XPNPEP3: variants seen among roughly 807,000 people sequenced by gnomAD.
The protein encoded by XPNPEP3 is xaa-Pro aminopeptidase 3.
A neutral mutation model predicts 60.0 loss-of-function variants in XPNPEP3; 41 were observed. That is an observed-to-expected ratio of 0.68 (90% CI 0.53 to 0.89). XPNPEP3 has a LOEUF of 0.89. XPNPEP3 is among the 40% of genes least tolerant of loss of function. The pLI, the probability that XPNPEP3 is intolerant of heterozygous loss-of-function variation, is 0.00. For missense variants in XPNPEP3, 598 were observed against 638.9 expected, an observed-to-expected ratio of 0.94 and a Z score of 0.69; for synonymous variants, 212 against 223.2, an observed-to-expected ratio of 0.95 and a Z score of 0.45.
Position 40,868,276 on chromosome 22 carries a change from T to A in XPNPEP3, c.65-723T>A, listed in dbSNP as rs1387917108. Among the ~76,000 whole-genome samples the A allele has an allele frequency of 3.3e-5, 5 of 152,210 alleles. No individual in the cohort carries two copies. The East Asian group carries it at 9.6e-4, about 29-fold the overall frequency. The stretch of plus-strand genomic sequence containing the variant: ...CTTAACATATTCTCAATAAAAAATG[T>A]TGATTATCTTTTCCTGAGTTTTAGG... On this transcript the variant is annotated intron_variant, in intron 1 of 9. Coordinates refer to ENST00000357137, the MANE Select transcript of XPNPEP3 (RefSeq NM_022098.4).
At position 40,931,292 on chromosome 22, in the gene XPNPEP3, C is replaced by T. The variant is rs1222514477; in HGVS notation, c.*4857C>T. Reference sequence around the variant, plus strand: ...CATGGTTAGATCATTAACAATACCACCTAAATGAAGGAAACATATCTGGAT... The same window carrying T: ...CATGGTTAGATCATTAACAATACCATCTAAATGAAGGAAACATATCTGGAT... On this transcript the variant is annotated 3_prime_UTR_variant, in exon 10 of 10. Coordinates refer to ENST00000357137, the MANE Select transcript of XPNPEP3 (RefSeq NM_022098.4). The T allele has an allele frequency of 6.6e-6, 1 of 152,150 alleles. No homozygotes were observed. The highest frequency in any genetic ancestry group is 2.4e-5 in the African/African-American group (1 of 41,420). The allele number at this position is 152,150 out of a possible 1,614,324, so 9.4% of individuals were successfully genotyped here.
intron 3 of XPNPEP3, among the ~76,000 whole-genome samples, chr22:40,883,798 G>C (rs982025536): frequency 2.6e-5 from 4 of 152,012 alleles, no homozygotes; most frequent in African/African-American, 4.8e-5. Context: ...ACTATCTTTA[G>C]TAATTCTTAA....
intron 4 of XPNPEP3, among the ~76,000 whole-genome samples, chr22:40,901,235 A>G (rs1240537880): frequency 4.9e-5 from 1 of 20,360 alleles, no homozygotes; most frequent in African/African-American, 2.2e-4. Flanking sequence ...TATTTAAAGA[A>G]CTTTTTTTTT....
At position 40,857,198 on chromosome 22, in the gene XPNPEP3, C is replaced by A; in HGVS notation, c.17C>A (p.Ser6Ter). Residue 6 changes from serine to a stop codon, truncating the protein, a stop_gained, in exon 1 of 10, where the codon TCA (serine) becomes TAA (stop). Transcript: ENST00000357137. LOFTEE classifies it high-confidence loss of function. MPWLL[S>*]APKLVPAVAN... ...TAGGCCGTAATGCCTTGGCTGCTCT[C>A]AGCCCCCAAGCTGGTTCCCGCTGTA... 1.9e-6 allele frequency: 3 copies of A among 1,614,228 alleles called. No individual in the cohort carries two copies. The highest frequency in any genetic ancestry group is 2.5e-6 in the Non-Finnish European group (3 of 1,180,042).
intron 1 of XPNPEP3, among the ~76,000 whole-genome samples, chr22:40,866,663 G>A (rs569174639): frequency 6.6e-6 from 1 of 152,184 alleles, no homozygotes; most frequent in African/African-American, 2.4e-5. Flanking sequence ...CTTATGAACT[G>A]GATATTTTTG....
At chr22:40,882,356 G>A (rs764028450) in intron 3 of XPNPEP3, among the ~76,000 whole-genome samples, 179 bp downstream of exon 3, 5 of 152,252 alleles carry the variant, frequency 3.3e-5, no homozygotes, top group Admixed American at 6.5e-5. Flanking sequence ...TTTCATTTAT[G>A]CCTGGTGCAT....
intron 4 of XPNPEP3, among the ~76,000 whole-genome samples, chr22:40,905,553 G>A (rs1717754481): frequency 6.6e-6 from 1 of 152,118 alleles, no homozygotes; most frequent in Admixed American, 6.5e-5. Flanking sequence ...AAGACATGAA[G>A]TCATCTGGAA....
intron 4 of XPNPEP3, among the ~76,000 whole-genome samples, chr22:40,900,976 G>T (rs1039957604): frequency 2.0e-5 from 3 of 151,284 alleles, no homozygotes; most frequent in Non-Finnish European, 2.9e-5. Context: ...CAAAGGGAAT[G>T]GGTGTGGTGG....
intron 2 of XPNPEP3, among the ~76,000 whole-genome samples, chr22:40,880,701 A>G (rs1185139518): frequency 6.6e-6 from 1 of 150,550 alleles, no homozygotes; most frequent in East Asian, 1.9e-4. Flanking sequence ...GATGGCTTAC[A>G]CCTGTAACCC....
rs1136921 is a variant in XPNPEP3 at position 40,927,264 on chromosome 22, A to G, written c.*829A>G. ...CCAGGCAGGTGGATCTCTTGAGACC[A>G]GGAGGTCAAGACCAGCCTGGCCAAC... On this transcript the variant is annotated 3_prime_UTR_variant, in exon 10 of 10. Coordinates refer to ENST00000357137, the MANE Select transcript of XPNPEP3 (RefSeq NM_022098.4). The G allele has an allele frequency of 6.6e-6, 1 of 152,208 alleles. No homozygotes were observed. Among genetic ancestry groups the G allele is most frequent in the African/African-American group, 2.4e-5 (1 of 41,424 alleles). 9.4% of individuals were successfully genotyped at this position (152,208 alleles called of 1,614,324 possible).
At chr22:40,886,176 G>C (rs1393863167) in intron 3 of XPNPEP3, 137 bp from the exon 4 acceptor site, 3 of 827,464 alleles carry the variant, frequency 3.6e-6, no homozygotes, top group Non-Finnish European at 6.1e-6. Context: ...TCCTGAGAGA[G>C]TCTTAAGTCT....
chr22:40,924,253 G>A (rs2058226773), intron 8 of XPNPEP3, 109 bp from the exon 9 acceptor site: 1 of 1,499,308 alleles, frequency 6.7e-7, no homozygotes. Context: ...AACTGAAGTG[G>A]CAGAACCATG....
chr22:40,867,936 CA>C (rs538562861), intron 1 of XPNPEP3, among the ~76,000 whole-genome samples: 6,241 of 73,316 alleles, frequency 0.085, 370 homozygotes, highest in African/African-American at 0.24. Context: ...AGACCTGTCT[CA>C]AAAAAAAAAA....
At chr22:40,875,988 C>A (rs1367414017) in intron 2 of XPNPEP3, among the ~76,000 whole-genome samples, 2 of 152,032 alleles carry the variant, frequency 1.3e-5, no homozygotes, top group African/African-American at 4.8e-5. Flanking sequence ...CCACTGTGCT[C>A]CAGCCTAGGC....
At position 40,926,217 on chromosome 22, in the gene XPNPEP3, C is replaced by A. The variant is rs1399972587; in HGVS notation, c.1358-52C>A. ...CAGAGGTTAACTTACTTGCCCCAAA[C>A]CACCCAGTTACTATCATTCCTGAAC... On this transcript the variant is annotated intron_variant, in intron 9 of 9. Transcript: ENST00000357137. The A allele has an allele frequency of 3.1e-6, 5 of 1,609,140 alleles. No individual in the cohort carries two copies. In the African/African-American group the frequency reaches 6.7e-5, roughly 22 times the overall value.
At chr22:40,907,388 T>C (rs1476889529) in intron 4 of XPNPEP3, among the ~76,000 whole-genome samples, 199 bp from the exon 5 acceptor site, 1 of 151,702 alleles carries the variant, frequency 6.6e-6, no homozygotes, top group African/African-American at 2.4e-5. Context: ...GCCACTGCAC[T>C]CCAGCCTGGG....
At chr22:40,890,494 G>A (rs189895813) in intron 4 of XPNPEP3, among the ~76,000 whole-genome samples, 31 of 152,082 alleles carry the variant, frequency 2.0e-4, no homozygotes, top group Non-Finnish European at 2.8e-4. Flanking sequence ...AGATGTGATC[G>A]TGCCACTGCA....
At position 40,918,764 on chromosome 22, in the gene XPNPEP3, G is replaced by A. The variant is rs6002200; in HGVS notation, c.1056-3569G>A. Among the ~76,000 whole-genome samples the A allele has an allele frequency of 6.1e-3, 873 of 142,782 alleles. 8 individuals are homozygous for A. The highest frequency in any genetic ancestry group is 0.02 in the African/African-American group (820 of 40,718). The allele number at this position is 142,782 out of a possible 152,430, so 93.7% of individuals were successfully genotyped here. On this transcript the variant is annotated intron_variant, in intron 7 of 9. Coordinates refer to ENST00000357137, the MANE Select transcript of XPNPEP3 (RefSeq NM_022098.4). Reference sequence around the variant, plus strand: ...ACCTATAGAAGGGTATTCTGGGATAGTCTGCCAAGTTTTGGTGGGTTTTTT... The same window carrying A: ...ACCTATAGAAGGGTATTCTGGGATAATCTGCCAAGTTTTGGTGGGTTTTTT...
chr22:40,899,683 G>C (rs1024953529), intron 4 of XPNPEP3, among the ~76,000 whole-genome samples: 1 of 152,020 alleles, frequency 6.6e-6, no homozygotes, highest in African/African-American at 2.4e-5. Context: ...GCTGGATGTG[G>C]TGGTGGGCGC....
Sources: gnomAD v4.1 joint callset for allele counts (sites outside exome capture counted in the v4.1 genomes callset) on GRCh38, gnomAD v4.1.1 for gene constraint, MANE v1.5 for transcripts, NCBI Gene and HGNC (gene_info 2026-07-23, HGNC 2026-07-21) for gene names.